KCNQ5: variants seen among roughly 807,000 people sequenced by gnomAD.
KCNQ5 encodes the protein potassium voltage-gated channel subfamily Q member 5, also known as potassium voltage-gated channel subfamily KQT member 5.
Under a neutral mutation model 98.2 loss-of-function variants are expected in KCNQ5, and 30 were observed. That is an observed-to-expected ratio of 0.31 (90% CI 0.23 to 0.41). The LOEUF is 0.41. Among genes scored for constraint, KCNQ5 ranks in the 10% least tolerant of loss-of-function variants. The pLI is 1.00. For synonymous variants in KCNQ5, 458 were observed against 449.4 expected, an observed-to-expected ratio of 1.02 and a Z score of -0.24; for missense variants, 835 against 1,182.5, an observed-to-expected ratio of 0.71 and a Z score of 4.31.
Position 72,622,623 on chromosome 6 carries a change from G to A in KCNQ5, c.398+36G>A. 1 of 1,608,182 alleles carries A rather than the reference G, an allele frequency of 6.2e-7. No individual in the cohort carries two copies. The highest frequency in any genetic ancestry group is 8.5e-7 in the Non-Finnish European group (1 of 1,177,500). ...GCGCCCCCTGCTATGCCCGCTGCAGGGGACCACTGTCCCTGGCCCCCTGGG... is the reference window on the plus strand; with the variant it reads ...GCGCCCCCTGCTATGCCCGCTGCAGAGGACCACTGTCCCTGGCCCCCTGGG... On this transcript the variant is annotated intron_variant, in intron 1 of 13. Coordinates refer to ENST00000370398, the MANE Select transcript of KCNQ5 (RefSeq NM_019842.4). The surrounding 1 kb of genome is among the most constrained non-coding windows in gnomAD (Gnocchi z 6.0).
At chr6:72,928,508 A>G (rs1327609725) in intron 1 of KCNQ5, among the ~76,000 whole-genome samples, 3 of 152,086 alleles carry the variant, frequency 2.0e-5, no homozygotes, top group African/African-American at 7.2e-5. Context: ...CCTCCTCTCT[A>G]TAAATTTTTA....
rs192078686 is a variant in KCNQ5, at chr6:72,652,795, A to G, written c.398+30208A>G. On this transcript the variant is annotated intron_variant, in intron 1 of 13. Coordinates refer to ENST00000370398, the MANE Select transcript of KCNQ5 (RefSeq NM_019842.4). The stretch of plus-strand genomic sequence containing the variant: ...AAGAACACCCAATCCTAGTCAAAGG[A>G]CTGAGTTCAATTCAGCCTCACAAGA... 6.2e-4 allele frequency among the ~76,000 whole-genome samples: 95 copies of G among 152,196 alleles called. 1 individual carries two copies. The highest frequency in any genetic ancestry group is 2.2e-3 in the African/African-American group (92 of 41,554).
At chr6:73,151,321 A>G (rs1483354845) in intron 10 of KCNQ5, among the ~76,000 whole-genome samples, 2 of 152,112 alleles carry the variant, frequency 1.3e-5, no homozygotes, top group African/African-American at 4.8e-5. Context: ...TATTTTTCCA[A>G]TAATATGAGT....
intron 1 of KCNQ5, among the ~76,000 whole-genome samples, chr6:72,929,110 G>T (rs950251957): frequency 6.6e-6 from 1 of 152,028 alleles, no homozygotes; most frequent in African/African-American, 2.4e-5. Flanking sequence ...CATAACAGAG[G>T]TTCCTCATAA....
intron 1 of KCNQ5, among the ~76,000 whole-genome samples, chr6:72,826,197 A>G (rs1187260522): frequency 2.0e-5 from 3 of 152,196 alleles, no homozygotes; most frequent in Admixed American, 1.3e-4. Context: ...CAAAAGATAC[A>G]TATACACATA....
At chr6:73,143,872 C>T (rs1053875385) in intron 10 of KCNQ5, among the ~76,000 whole-genome samples, 2 of 152,124 alleles carry the variant, frequency 1.3e-5, no homozygotes, top group African/African-American at 2.4e-5. Context: ...CTGTGGGTGA[C>T]GTCCAAAATT....
chr6:73,006,149 A>G (rs1028101422), intron 2 of KCNQ5, among the ~76,000 whole-genome samples: 16 of 152,238 alleles, frequency 1.1e-4, no homozygotes, highest in African/African-American at 3.9e-4. Context: ...AATCATTAAG[A>G]TGACAAATCT....
At chr6:72,678,276 C>T (rs920094995) in intron 1 of KCNQ5, 13 of 152,176 alleles carry the variant, frequency 8.5e-5, no homozygotes, top group Admixed American at 3.9e-4. Context: ...TCACCATGTG[C>T]CAAACATCAT....
chr6:72,658,598 T>TTTTTTTTA (rs1766338397), intron 1 of KCNQ5, among the ~76,000 whole-genome samples: 4 of 125,084 alleles, frequency 3.2e-5, no homozygotes, highest in Non-Finnish European at 4.9e-5. Context: ...TTTTTTTTTT[T>TTTTTTTTA]GAGACAGGGT....
At chr6:72,643,315 G>A (rs986621479) in intron 1 of KCNQ5, among the ~76,000 whole-genome samples, 2 of 152,080 alleles carry the variant, frequency 1.3e-5, no homozygotes, top group Non-Finnish European at 2.9e-5. Flanking sequence ...CAAACACAGA[G>A]CATTTTCCAT....
intron 1 of KCNQ5, among the ~76,000 whole-genome samples, chr6:72,983,702 G>T (rs1400938297): frequency 6.6e-6 from 1 of 152,152 alleles, no homozygotes; most frequent in Non-Finnish European, 1.5e-5. Context: ...TCTCTGTCCA[G>T]TTTTGTTCCA....
intron 1 of KCNQ5, among the ~76,000 whole-genome samples, chr6:72,775,984 T>C (rs1219530006): frequency 6.6e-6 from 1 of 152,222 alleles, no homozygotes; most frequent in African/African-American, 2.4e-5. Flanking sequence ...GTATGGACTT[T>C]AATAATGTAT....
intron 1 of KCNQ5, among the ~76,000 whole-genome samples, chr6:72,734,284 A>T (rs1332910900): frequency 1.3e-5 from 2 of 152,044 alleles, no homozygotes; most frequent in African/African-American, 4.8e-5. Flanking sequence ...ACTTAACACA[A>T]ATTTTTTAAA....
intron 1 of KCNQ5, among the ~76,000 whole-genome samples, chr6:72,850,524 C>T (rs1163588424): frequency 6.6e-6 from 1 of 152,176 alleles, no homozygotes; most frequent in African/African-American, 2.4e-5. Context: ...TGGTATGACT[C>T]TTGTCCCCGG....
intron 2 of KCNQ5, among the ~76,000 whole-genome samples, chr6:73,027,957 A>C (rs1280308592): frequency 1.3e-5 from 2 of 152,232 alleles, no homozygotes; most frequent in African/African-American, 4.8e-5. Context: ...ATGAGATACC[A>C]ATCTTGGATA....
At chr6:72,856,949 C>T (rs145835166) in intron 1 of KCNQ5, among the ~76,000 whole-genome samples, 1 of 152,278 alleles carries the variant, frequency 6.6e-6, no homozygotes, top group East Asian at 1.9e-4. Context: ...GTTATGGACT[C>T]ACATGCTTAA....
At chr6:72,646,289 A>G (rs1160647918) in intron 1 of KCNQ5, among the ~76,000 whole-genome samples, 1 of 151,650 alleles carries the variant, frequency 6.6e-6, no homozygotes, top group African/African-American at 2.4e-5. Flanking sequence ...TGAAAAATAC[A>G]TCTTCATTTG....
chr6:72,804,228 A>G (rs987731403), intron 1 of KCNQ5, among the ~76,000 whole-genome samples: 2 of 152,094 alleles, frequency 1.3e-5, no homozygotes, highest in African/African-American at 4.8e-5. Flanking sequence ...TGTTGACTGT[A>G]GTCACCCTGT....
At chr6:72,886,891 C>T (rs1056767832) in intron 1 of KCNQ5, among the ~76,000 whole-genome samples, 1 of 151,998 alleles carries the variant, frequency 6.6e-6, no homozygotes, top group African/African-American at 2.4e-5. Flanking sequence ...ATTTATTACC[C>T]AGAAACCCTC....
Sources: gnomAD v4.1 joint callset for allele counts (sites outside exome capture counted in the v4.1 genomes callset) on GRCh38, gnomAD v4.1.1 for gene constraint, Gnocchi (gnomAD v3.1) non-coding constraint, MANE v1.5 for transcripts, NCBI Gene and HGNC (gene_info 2026-07-23, HGNC 2026-07-21) for gene names.